The following DLGAP4 variants were observed in gnomAD, a reference collection of about 807,000 sequenced individuals.
DLGAP4 encodes disks large-associated protein 4.
DLGAP4 carries 18 observed loss-of-function variants against 86.9 expected under a neutral mutation model. The observed-to-expected ratio is 0.21, with a 90% CI of 0.14 to 0.31. The LOEUF (loss-of-function observed/expected upper bound fraction) is 0.31, where lower values mean the gene tolerates loss of function less well. Among genes scored for constraint, DLGAP4 ranks in the 10% least tolerant of loss-of-function variants. The pLI is 1.00. For missense variants in DLGAP4, 1,085 were observed against 1,362.6 expected (o/e 0.80, Z 3.21); for synonymous variants, 548 against 574.3 (o/e 0.95, Z 0.65).
intron 7 of DLGAP4, among the ~76,000 whole-genome samples, chr20:36,472,066 T>A (rs2034690099): frequency 6.6e-6 from 1 of 152,056 alleles, no homozygotes; most frequent in Non-Finnish European, 1.5e-5. Flanking sequence ...TTTTGCCTCC[T>A]CCCCCAAGCC....
At chr20:36,372,501 A>G (rs1246998195) in intron 2 of DLGAP4, among the ~76,000 whole-genome samples, 1 of 148,724 alleles carries the variant, frequency 6.7e-6, no homozygotes, top group African/African-American at 2.5e-5. Flanking sequence ...TGTGATGGGG[A>G]CACCCTGGCC....
At chr20:36,499,268 C>T in intron 8 of DLGAP4, 1 of 1,613,862 alleles carries the variant, frequency 6.2e-7, no homozygotes. Flanking sequence ...ACGGTTCCCA[C>T]CTCTCGGAGG....
chr20:36,362,939 C>G (rs1555894323), intron 1 of DLGAP4, among the ~76,000 whole-genome samples: 1 of 152,170 alleles, frequency 6.6e-6, no homozygotes, highest in Non-Finnish European at 1.5e-5. Flanking sequence ...TAGAGATGAG[C>G]AGCTGAGTTG....
chr20:36,310,865 G>A lies in DLGAP4; in HGVS notation c.-304+4353G>A, dbSNP rs1045176509. 9.5e-4 allele frequency among the ~76,000 whole-genome samples: 144 copies of A among 152,328 alleles called. No homozygotes were observed. In the East Asian group the frequency reaches 0.021, roughly 22 times the overall value. On this transcript the variant is annotated intron_variant, in intron 1 of 12. Transcript: ENST00000339266. ...AACTCACTGGGCATCTTTGAGAAAAGCTGTCACCGAGGAGTCCTGTGTGTT... is the reference window on the plus strand; with the variant it reads ...AACTCACTGGGCATCTTTGAGAAAAACTGTCACCGAGGAGTCCTGTGTGTT...
At position 36,526,866 on chromosome 20, in the gene DLGAP4, G is replaced by A. The variant is rs115548718; in HGVS notation, c.2814G>A (p.Pro938=). The A allele has an allele frequency of 5.1e-5, 83 of 1,612,126 alleles. No homozygotes were observed. The Middle Eastern group carries it at 7.0e-4, about 14-fold the overall frequency. Residue 938 remains proline (P), a synonymous_variant, in exon 13 of 13, where the codon CCG becomes CCA. Coordinates refer to ENST00000339266, the MANE Select transcript of DLGAP4 (RefSeq NM_001365621.2). ...CAAAGAAGCCAGCCAAATCCAAGCC[G>A]GCAGTGAGCCGCGACAAGGCCTCAG... ...PVPKKPAKSK[P]AVSRDKASDA...
At chr20:36,436,947 A>G (rs1410909586) in intron 4 of DLGAP4, among the ~76,000 whole-genome samples, 4 of 152,176 alleles carry the variant, frequency 2.6e-5, no homozygotes, top group Admixed American at 1.3e-4. Flanking sequence ...TCTTTCAGTA[A>G]GTACAAGTCC....
intron 11 of DLGAP4, among the ~76,000 whole-genome samples, chr20:36,525,278 T>G: frequency 7.2e-6 from 1 of 139,312 alleles, no homozygotes; most frequent in African/African-American, 2.8e-5. Flanking sequence ...CTGCTGGGAT[T>G]GGTGGCTTGG....
intron 2 of DLGAP4, among the ~76,000 whole-genome samples, chr20:36,386,376 G>A (rs1320521105): frequency 6.6e-6 from 1 of 151,442 alleles, no homozygotes; most frequent in African/African-American, 2.4e-5. Flanking sequence ...GGTAGAGAGG[G>A]AGGAGGGAAA....
intron 7 of DLGAP4, chr20:36,461,683 GC>G (rs1488693689): frequency 1.2e-5 from 1 of 81,924 alleles, no homozygotes; most frequent in Non-Finnish European, 1.6e-5. Context: ...GCCCGGCCCT[GC>G]CCCGCCCCCG....
At chr20:36,349,353 G>A (rs1156474239) in intron 1 of DLGAP4, among the ~76,000 whole-genome samples, 1 of 151,140 alleles carries the variant, frequency 6.6e-6, no homozygotes, top group African/African-American at 2.4e-5. Flanking sequence ...GGGAGGCGGA[G>A]CTTGCAGTGA....
chr20:36,334,127 A>C (rs560260656), intron 1 of DLGAP4, among the ~76,000 whole-genome samples: 5 of 152,196 alleles, frequency 3.3e-5, no homozygotes, highest in Non-Finnish European at 5.9e-5. Context: ...AACAAGCCAG[A>C]CCCAGCCCCT....
chr20:36,511,053 T>C (rs1194082739), intron 10 of DLGAP4: 1 of 152,218 alleles, frequency 6.6e-6, no homozygotes, highest in Admixed American at 6.5e-5. Context: ...AGTAAGCTTA[T>C]AGATTAATTG....
chr20:36,507,609 A>G (rs556838082), intron 10 of DLGAP4: 15 of 152,370 alleles, frequency 9.8e-5, no homozygotes, highest in African/African-American at 3.6e-4. Context: ...TGGGCCTCAG[A>G]GAATATCTAC....
chr20:36,354,040 G>A (rs925796491), intron 1 of DLGAP4, among the ~76,000 whole-genome samples: 3 of 152,234 alleles, frequency 2.0e-5, no homozygotes, highest in Non-Finnish European at 4.4e-5. Context: ...CAAAACGGGA[G>A]GCCAGCAGGG....
intron 7 of DLGAP4, chr20:36,461,277 G>A (rs868099323): frequency 1.7e-4 from 28 of 166,268 alleles, no homozygotes; most frequent in South Asian, 3.9e-4. Context: ...GGCCGGCTGG[G>A]CGTGGGCCGG....
intron 7 of DLGAP4, among the ~76,000 whole-genome samples, chr20:36,482,159 C>T (rs2035216063): frequency 6.6e-6 from 1 of 152,194 alleles, no homozygotes; most frequent in African/African-American, 2.4e-5. Context: ...CTACTCCTGT[C>T]ACCTGATATG....
intron 7 of DLGAP4, among the ~76,000 whole-genome samples, chr20:36,463,300 G>T (rs2034186161): frequency 1.3e-5 from 2 of 152,154 alleles, no homozygotes; most frequent in African/African-American, 4.8e-5. Context: ...AATTGTGCTG[G>T]CCTCACACTG....
chr20:36,395,305 C>A (rs1199871020), intron 2 of DLGAP4, among the ~76,000 whole-genome samples: 1 of 152,168 alleles, frequency 6.6e-6, no homozygotes, highest in Non-Finnish European at 1.5e-5. Flanking sequence ...ACCTGTCTCC[C>A]CAGCTAGAAT....
At chr20:36,481,929 G>A (rs961315190) in intron 7 of DLGAP4, among the ~76,000 whole-genome samples, 1 of 152,096 alleles carries the variant, frequency 6.6e-6, no homozygotes, top group Non-Finnish European at 1.5e-5. Flanking sequence ...CGCTTTTCTT[G>A]TGTAATTGTC....
Sources: gnomAD v4.1 joint callset for allele counts (sites outside exome capture counted in the v4.1 genomes callset) on GRCh38, gnomAD v4.1.1 for gene constraint, MANE v1.5 for transcripts, NCBI Gene and HGNC (gene_info 2026-07-23, HGNC 2026-07-21) for gene names.